NPHP4: variants seen among roughly 807,000 people sequenced by gnomAD.
NPHP4 encodes nephrocystin-4.
NPHP4 carries 151 observed loss-of-function variants against 155.8 expected under a neutral mutation model. That is an observed-to-expected ratio of 0.97 (90% CI 0.85 to 1.11). The LOEUF is 1.11. NPHP4 is among the 50% of genes least tolerant of loss of function. The pLI is 0.00. For missense variants in NPHP4, 1,956 were observed against 1,925.7 expected (o/e 1.02, Z -0.29); for synonymous variants, 845 against 816.8 (o/e 1.03, Z -0.59).
At chr1:5,869,523 T>C (rs911213683) in intron 23 of NPHP4, among the ~76,000 whole-genome samples, 1 of 152,258 alleles carries the variant, frequency 6.6e-6, no homozygotes, top group Non-Finnish European at 1.5e-5. Flanking sequence ...TAAATAGAAG[T>C]GTTAATGTAT....
At chr1:5,970,181 G>A (rs372562136) in intron 3 of NPHP4, among the ~76,000 whole-genome samples, 11 of 152,090 alleles carry the variant, frequency 7.2e-5, no homozygotes, top group Non-Finnish European at 1.5e-4. Flanking sequence ...TTTCTATTGC[G>A]TTAAATTCAA....
chr1:5,893,294 C>CGCAGAGA (rs1453755816), intron 16 of NPHP4, among the ~76,000 whole-genome samples: 15 of 152,058 alleles, frequency 9.9e-5, no homozygotes, highest in African/African-American at 3.6e-4. Context: ...ACCACCAATG[C>CGCAGAGA]GCAGAGACCG....
intron 11 of NPHP4, among the ~76,000 whole-genome samples, chr1:5,923,820 G>T (rs1322828832): frequency 6.6e-6 from 1 of 152,214 alleles, no homozygotes; most frequent in East Asian, 1.9e-4. Flanking sequence ...TATCCAGTAA[G>T]AGAAAATTCT....
In NPHP4 at chr1:5,910,008, G is replaced by A. The variant is rs577034422; in HGVS notation, c.1442-795C>T. On this transcript the variant is annotated intron_variant, in intron 11 of 29. Coordinates refer to ENST00000378156, the MANE Select transcript of NPHP4 (RefSeq NM_015102.5). The surrounding 1 kb of genome is among the most constrained non-coding windows in gnomAD (Gnocchi z 5.4). Reference sequence around the variant, plus strand: ...GGCTCTCAGCCCCTGCACCTCAGCAGGAGGAAGCCCCAGCATCGCTGGAGT... The same window carrying A: ...GGCTCTCAGCCCCTGCACCTCAGCAAGAGGAAGCCCCAGCATCGCTGGAGT... Among the ~76,000 whole-genome samples the A allele has an allele frequency of 6.6e-6, 1 of 152,316 alleles. No individual in the cohort carries two copies. The highest frequency in any genetic ancestry group is 2.1e-4 in the South Asian group (1 of 4,828).
At position 5,905,475 on chromosome 1, in the gene NPHP4, C is replaced by T. The variant is rs751292438; in HGVS notation, c.1772G>A (p.Gly591Glu). Reference sequence around the variant, plus strand: ...CACCATGGAGGCTCTCGAGGGCTGCCCTGCAGAGCTGAGACACAGAGACTC... The same window carrying T: ...CACCATGGAGGCTCTCGAGGGCTGCTCTGCAGAGCTGAGACACAGAGACTC... ...VVGTQTRSSA[G>E]QPSRASMVLL... The change falls in exon 15 of 30, where the codon GGG (glycine) becomes GAG (glutamate). Residue 591 changes from glycine to glutamate, a missense_variant. Transcript: ENST00000378156. The surrounding 1 kb of genome is among the most constrained non-coding windows in gnomAD (Gnocchi z 4.0). 6.2e-7 allele frequency: 1 copy of T among 1,602,496 alleles called. No individual in the cohort carries two copies. The highest frequency in any genetic ancestry group is 8.5e-7 in the Non-Finnish European group (1 of 1,171,028).
In NPHP4 at chr1:5,937,732, G is replaced by C. The variant is rs181023624; in HGVS notation, c.1120-4403C>G. Among the ~76,000 whole-genome samples the C allele has an allele frequency of 5.5e-4, 84 of 152,358 alleles. 1 individual carries two copies. The East Asian group carries it at 0.015, about 27-fold the overall frequency. On this transcript the variant is annotated intron_variant, in intron 9 of 29. Transcript: ENST00000378156. The stretch of plus-strand genomic sequence containing the variant: ...GCCACCTCGATGGAGGTGACATGTG[G>C]CACTTGGCTGAGGACAAATTTTAAA...
intron 19 of NPHP4, chr1:5,879,335 T>C (rs1188800740): frequency 5.7e-6 from 2 of 350,082 alleles, no homozygotes; most frequent in Non-Finnish European, 1.1e-5. Flanking sequence ...CTCAGGTCTG[T>C]GAGGCCTTAC....
chr1:5,913,171 A>G (rs1172244808), intron 11 of NPHP4, among the ~76,000 whole-genome samples: 2 of 142,626 alleles, frequency 1.4e-5, no homozygotes, highest in Admixed American at 7.1e-5. Context: ...AAAAAAAAAA[A>G]GCACAGAGAC....
At chr1:5,990,581 T>C (rs1656087357) in intron 1 of NPHP4, among the ~76,000 whole-genome samples, 1 of 152,196 alleles carries the variant, frequency 6.6e-6, no homozygotes, top group South Asian at 2.1e-4. Context: ...ATCTTACAGA[T>C]GAGAACACTG....
chr1:5,868,313 T>G (rs1641487913), intron 23 of NPHP4: 1 of 333,818 alleles, frequency 3.0e-6, no homozygotes. Context: ...AAGTTCGCGG[T>G]CAAGCACGTC....
In NPHP4 at chr1:5,930,145, T is replaced by C. The variant is rs935228924; in HGVS notation, c.1303-2358A>G. Among the ~76,000 whole-genome samples the C allele has an allele frequency of 2.0e-5, 3 of 152,212 alleles. No individual in the cohort carries two copies. The South Asian group carries it at 6.2e-4, about 31-fold the overall frequency. ...AATACCCGTGAGGTCTGTACTGATA[T>C]TCCTTCTTTCATTCCTAATATTAGT... is the stretch of plus-strand genomic sequence containing the variant. On this transcript the variant is annotated intron_variant, in intron 10 of 29. Transcript: ENST00000378156.
chr1:5,980,172 A>G (rs1322715248), intron 2 of NPHP4, among the ~76,000 whole-genome samples: 1 of 151,834 alleles, frequency 6.6e-6, no homozygotes, highest in Non-Finnish European at 1.5e-5. Flanking sequence ...GTCTCTGCCC[A>G]TGCCTCCCTT....
At position 5,933,219 on chromosome 1, in the gene NPHP4, C is replaced by A. The variant is rs368074369; in HGVS notation, c.1230G>T (p.Gln410His). The change falls in exon 10 of 30, where the codon CAG becomes CAT. Residue 410 changes from glutamine to histidine, a missense_variant. Gln to His is a conservative substitution (Grantham distance 24). Coordinates refer to ENST00000378156, the MANE Select transcript of NPHP4 (RefSeq NM_015102.5). ...GCGAGGGGTTGGGCTGGATCCCACC[C>A]TGCAGAGGCAGGGTCACCCTTCCAG... The part of the protein sequence containing the change: ...ADSGRVTLPL[Q>H]GGIQPNPSHC... 1.7e-5 allele frequency: 28 copies of A among 1,613,824 alleles called. No homozygotes were observed. In the African/African-American group the frequency reaches 3.6e-4, roughly 21 times the overall value.
chr1:5,987,461 G>A (rs1004157095), intron 1 of NPHP4, among the ~76,000 whole-genome samples: 2 of 152,022 alleles, frequency 1.3e-5, no homozygotes, highest in Non-Finnish European at 2.9e-5. Flanking sequence ...CACCATGGTG[G>A]CATGGTGGGG....
rs1279279420 is a variant in NPHP4 at position 5,867,300 on chromosome 1, G to A, written c.3473-185C>T. The A allele has an allele frequency of 8.5e-6, 5 of 587,980 alleles. No individual in the cohort carries two copies. In the East Asian group the frequency reaches 1.4e-4, roughly 16 times the overall value. 36.4% of individuals were successfully genotyped at this position (587,980 alleles called of 1,614,324 possible). On this transcript the variant is annotated intron_variant, in intron 24 of 29. Transcript: ENST00000378156. The surrounding 1 kb of genome is among the most constrained non-coding windows in gnomAD (Gnocchi z 4.1). ...ATCCAAGCACTGTGTTCCCTGCATG[G>A]ACACCGCCCATCCAGCCCACTGCGG...
intron 28 of NPHP4, 130 bp downstream of exon 28, chr1:5,864,208 C>A: frequency 8.8e-7 from 1 of 1,134,302 alleles, no homozygotes; most frequent in South Asian, 1.5e-5. Context: ...AGCAAACACT[C>A]ATGCACCCGG....
chr1:5,990,683 G>A (rs891390384), intron 1 of NPHP4, among the ~76,000 whole-genome samples: 1 of 152,124 alleles, frequency 6.6e-6, no homozygotes, highest in Non-Finnish European at 1.5e-5. Flanking sequence ...AATACTGTAA[G>A]CTATTATAAC....
intron 9 of NPHP4, among the ~76,000 whole-genome samples, chr1:5,941,747 T>C (rs544497613): frequency 6.6e-6 from 1 of 152,282 alleles, no homozygotes; most frequent in South Asian, 2.1e-4. Flanking sequence ...TCTGGGACAA[T>C]TTGTACCAAA....
intron 13 of NPHP4, among the ~76,000 whole-genome samples, chr1:5,906,252 A>T (rs1431972124): frequency 1.3e-5 from 2 of 152,216 alleles, no homozygotes; most frequent in Non-Finnish European, 2.9e-5. Flanking sequence ...GCGTGTTTGG[A>T]CAGTCTCTTG....
Sources: allele counts gnomAD v4.1 joint callset (sites outside exome capture counted in the v4.1 genomes callset), GRCh38; gene constraint gnomAD v4.1.1; non-coding constraint Gnocchi (gnomAD v3.1); transcripts MANE v1.5; gene names NCBI Gene and HGNC (gene_info 2026-07-23, HGNC 2026-07-21).